Variants in GNG12 observed in about 807,000 individuals in gnomAD.
The protein encoded by GNG12 is G protein subunit gamma 12.
For missense variants in GNG12, 69 were observed against 83.8 expected (o/e 0.82, Z 0.69); for synonymous variants, 28 against 29.7 (o/e 0.94, Z 0.19).
In GNG12 at chr1:67,705,211, C is replaced by T; in HGVS notation, c.*240G>A. The T allele has an allele frequency of 2.6e-6, 1 of 378,688 alleles. No individual in the cohort carries two copies. The highest frequency in any genetic ancestry group is 4.3e-6 in the Non-Finnish European group (1 of 234,422). 23.5% of individuals were successfully genotyped at this position (378,688 alleles called of 1,614,324 possible). On this transcript the variant is annotated 3_prime_UTR_variant, in exon 4 of 4. Transcript: ENST00000370982. Reference sequence around the variant, plus strand: ...AGATCAACTTTCCTTAAACAGTAACCCAACATAAAGCCATAGTTACCAAGT... The same window carrying T: ...AGATCAACTTTCCTTAAACAGTAACTCAACATAAAGCCATAGTTACCAAGT...
intron 1 of GNG12, among the ~76,000 whole-genome samples, chr1:67,809,615 A>G (rs1646912028): frequency 6.6e-6 from 1 of 152,218 alleles, no homozygotes; most frequent in African/African-American, 2.4e-5. Flanking sequence ...AAAATGATCA[A>G]AAGTGACCTG....
At chr1:67,770,935 G>A (rs1041931932) in intron 2 of GNG12, among the ~76,000 whole-genome samples, 1 of 152,002 alleles carries the variant, frequency 6.6e-6, no homozygotes, top group Non-Finnish European at 1.5e-5. Context: ...GACCAAAAAG[G>A]GCATTTCAAA....
intron 1 of GNG12, among the ~76,000 whole-genome samples, chr1:67,822,466 T>C (rs1443077533): frequency 1.3e-5 from 2 of 152,108 alleles, no homozygotes. Context: ...ATCCTGTCCT[T>C]ATGAAGCTGA....
intron 2 of GNG12, among the ~76,000 whole-genome samples, chr1:67,723,234 T>C (rs1646366061): frequency 6.6e-6 from 1 of 151,942 alleles, no homozygotes; most frequent in African/African-American, 2.4e-5. Flanking sequence ...AAGGGGTGCA[T>C]GAAGAAAAGT....
rs1646240195 is a variant in GNG12, at chr1:67,705,300, G to T, written c.*151C>A. On this transcript the variant is annotated 3_prime_UTR_variant, in exon 4 of 4. Coordinates refer to ENST00000370982, the MANE Select transcript of GNG12 (RefSeq NM_018841.6). Reference sequence around the variant, plus strand: ...GGTATTTTAAGAGAAAGGACAACTTGGAAAATAGAGACTTCAGAGTCCATT... The same window carrying T: ...GGTATTTTAAGAGAAAGGACAACTTTGAAAATAGAGACTTCAGAGTCCATT... The T allele has an allele frequency of 7.3e-6, 9 of 1,237,890 alleles. No individual in the cohort carries two copies. Among genetic ancestry groups the T allele is most frequent in the East Asian group, 2.5e-5 (1 of 39,740 alleles). The allele number at this position is 1,237,890 out of a possible 1,614,324, so 76.7% of individuals were successfully genotyped here.
At chr1:67,816,189 G>T (rs1269068511) in intron 1 of GNG12, among the ~76,000 whole-genome samples, 1 of 152,068 alleles carries the variant, frequency 6.6e-6, no homozygotes, top group Non-Finnish European at 1.5e-5. Context: ...TACATTTTGA[G>T]CTTTCCTCAA....
At chr1:67,733,820 C>G (rs1412799589) in intron 2 of GNG12, among the ~76,000 whole-genome samples, 11 of 152,162 alleles carry the variant, frequency 7.2e-5, no homozygotes, top group Non-Finnish European at 2.9e-5. Flanking sequence ...GACTTTCCAA[C>G]AAATAGCCCA....
At chr1:67,804,235 CAGTT>C (rs1318382721) in intron 1 of GNG12, among the ~76,000 whole-genome samples, 2 of 152,152 alleles carry the variant, frequency 1.3e-5, no homozygotes, top group African/African-American at 4.8e-5. Context: ...AAATAAAAAT[CAGTT>C]AATTAATATT....
chr1:67,743,910 G>T (rs770638882), intron 2 of GNG12, among the ~76,000 whole-genome samples: 9 of 152,104 alleles, frequency 5.9e-5, no homozygotes, highest in Non-Finnish European at 1.0e-4. Flanking sequence ...TAGAGAAAAT[G>T]GTATTTATTT....
At chr1:67,763,495 C>A (rs1057514337) in intron 2 of GNG12, among the ~76,000 whole-genome samples, 8 of 150,732 alleles carry the variant, frequency 5.3e-5, no homozygotes, top group African/African-American at 1.7e-4. Flanking sequence ...AGGTTATGCA[C>A]GTTTGGTAGG....
chr1:67,773,898 T>G (rs1459518325), intron 2 of GNG12, among the ~76,000 whole-genome samples: 1 of 152,170 alleles, frequency 6.6e-6, no homozygotes, highest in Non-Finnish European at 1.5e-5. Context: ...TATTTGTTAT[T>G]TCAGCTGAAA....
intron 2 of GNG12, among the ~76,000 whole-genome samples, chr1:67,761,024 C>T (rs542290179): frequency 6.6e-6 from 1 of 152,180 alleles, no homozygotes; most frequent in African/African-American, 2.4e-5. Flanking sequence ...GCTCCTATGC[C>T]TTTCTAGGTC....
At chr1:67,718,533 G>A (rs1227062540) in intron 2 of GNG12, among the ~76,000 whole-genome samples, 1 of 152,180 alleles carries the variant, frequency 6.6e-6, no homozygotes, top group Admixed American at 6.5e-5. Flanking sequence ...ACTAGACAGT[G>A]TGACCTGAAA....
At chr1:67,764,646 G>A (rs1226675931) in intron 2 of GNG12, among the ~76,000 whole-genome samples, 3 of 152,316 alleles carry the variant, frequency 2.0e-5, no homozygotes, top group Non-Finnish European at 4.4e-5. Context: ...AAAGGGAACA[G>A]ATGTCCAAGA....
intron 2 of GNG12, among the ~76,000 whole-genome samples, chr1:67,736,938 T>C (rs1646455834): frequency 6.6e-6 from 1 of 152,176 alleles, no homozygotes; most frequent in South Asian, 2.1e-4. Flanking sequence ...AAGTATCTCA[T>C]TTTGCAGATG....
intron 2 of GNG12, among the ~76,000 whole-genome samples, chr1:67,738,461 T>C (rs796597384): frequency 3.3e-5 from 5 of 152,314 alleles, no homozygotes; most frequent in African/African-American, 1.2e-4. Context: ...CTATATCAAG[T>C]CTTTAACAAC....
At chr1:67,795,093 GA>G (rs767408167) in intron 1 of GNG12, among the ~76,000 whole-genome samples, 28 of 152,182 alleles carry the variant, frequency 1.8e-4, no homozygotes, top group Non-Finnish European at 3.7e-4. Context: ...TCAAATCTAG[GA>G]CGTGTGAATT....
chr1:67,794,392 G>C (rs1646818100), intron 1 of GNG12, among the ~76,000 whole-genome samples: 1 of 152,194 alleles, frequency 6.6e-6, no homozygotes, highest in Non-Finnish European at 1.5e-5. Context: ...ACAAAAGCCA[G>C]GGGTAGTGTG....
At chr1:67,786,807 C>T (rs150566120) in intron 1 of GNG12, among the ~76,000 whole-genome samples, 3 of 151,988 alleles carry the variant, frequency 2.0e-5, no homozygotes, top group East Asian at 3.9e-4. Flanking sequence ...CATGATGGCA[C>T]GTGCCTGTAC....
Sources: allele counts gnomAD v4.1 joint callset (sites outside exome capture counted in the v4.1 genomes callset), GRCh38; gene constraint gnomAD v4.1.1; transcripts MANE v1.5; gene names NCBI Gene and HGNC (gene_info 2026-07-23, HGNC 2026-07-21).